The following ESYT2 variants were observed in gnomAD, a reference collection of about 807,000 sequenced individuals.
ESYT2 encodes extended synaptotagmin 2.
In ESYT2, 54 loss-of-function variants were observed where a neutral mutation model predicts 107.2. The ratio of observed to expected loss-of-function variants is 0.50; its 90% CI spans 0.40 to 0.63. ESYT2 has a LOEUF of 0.63. ESYT2 is among the 30% of genes least tolerant of loss of function. The pLI, the probability that ESYT2 is intolerant of heterozygous loss-of-function variation, is 0.00. For synonymous variants in ESYT2, 491 were observed against 434.1 expected (o/e 1.13, Z -1.63); for missense variants, 1,020 against 1,094.5 (o/e 0.93, Z 0.96).
intron 10 of ESYT2, 67 bp downstream of exon 10, chr7:158,763,016 T>A (rs1838026938): frequency 9.0e-7 from 1 of 1,113,348 alleles, no homozygotes; most frequent in Admixed American, 2.0e-5. Context: ...TAAAACATAC[T>A]TTTGATTATT....
rs1176711281 is a variant in ESYT2 at position 158,748,530 on chromosome 7, A to G, written c.1558-250T>C. Among the ~76,000 whole-genome samples the G allele has an allele frequency of 5.3e-5, 8 of 152,140 alleles. No homozygotes were observed. The South Asian group carries it at 6.2e-4, about 12-fold the overall frequency. Reference sequence around the variant, plus strand: ...CTTTAGAGTTTGTCATGAGGCCCCAACCTGTGCGCCCACAGATAAAGGCTT... The same window carrying G: ...CTTTAGAGTTTGTCATGAGGCCCCAGCCTGTGCGCCCACAGATAAAGGCTT... On this transcript the variant is annotated intron_variant, in intron 15 of 22. Coordinates refer to ENST00000275418, the MANE Select transcript of ESYT2 (RefSeq NM_001367773.1).
At chr7:158,786,229 G>T (rs1839111646) in intron 6 of ESYT2, among the ~76,000 whole-genome samples, 1 of 152,088 alleles carries the variant, frequency 6.6e-6, no homozygotes, top group African/African-American at 2.4e-5. Flanking sequence ...TTTTGAAGAA[G>T]ATTTAAAGAT....
rs1563047143 is a variant in ESYT2, at chr7:158,829,072, CA to C, written c.330+16del. On this transcript the variant is annotated intron_variant, in intron 1 of 22. Transcript: ENST00000275418. ...ACTGGTGGTCAGGGGTCGGGACGGG[CA>C]GGGGTCTGCACTCACCCAGGCGGGC... 6.3e-7 allele frequency: 1 copy of C among 1,577,644 alleles called. No individual in the cohort carries two copies. The highest frequency in any genetic ancestry group is 8.5e-7 in the Non-Finnish European group (1 of 1,171,708).
At chr7:158,781,361 C>T (rs1447777563) in intron 6 of ESYT2, among the ~76,000 whole-genome samples, 3 of 149,560 alleles carry the variant, frequency 2.0e-5, no homozygotes, top group African/African-American at 4.9e-5. Flanking sequence ...TGTGTAAGAA[C>T]GAGAACAAGT....
At chr7:158,736,603 TTTCA>T (rs1271687784) in intron 20 of ESYT2, among the ~76,000 whole-genome samples, 1 of 137,562 alleles carries the variant, frequency 7.3e-6, no homozygotes, top group Admixed American at 6.9e-5. Flanking sequence ...ATACCATTCT[TTTCA>T]TTATGTTTTT....
intron 8 of ESYT2, among the ~76,000 whole-genome samples, chr7:158,766,076 G>A (rs1404251284): frequency 2.0e-5 from 3 of 151,622 alleles, no homozygotes; most frequent in Non-Finnish European, 2.9e-5. Context: ...GGCTGAGGTG[G>A]AAGAATGGTG....
intron 6 of ESYT2, among the ~76,000 whole-genome samples, chr7:158,784,760 G>T (rs1323795023): frequency 2.0e-5 from 3 of 152,136 alleles, no homozygotes. Flanking sequence ...TTGGCTAATA[G>T]GATTCAATTT....
intron 13 of ESYT2, among the ~76,000 whole-genome samples, chr7:158,758,454 G>A (rs555572594): frequency 6.6e-6 from 1 of 152,320 alleles, no homozygotes; most frequent in Admixed American, 6.5e-5. Flanking sequence ...TGTGTGTCAA[G>A]AAGTGAGTTA....
At chr7:158,780,338 G>A (rs150810192) in intron 6 of ESYT2, among the ~76,000 whole-genome samples, 84 of 152,240 alleles carry the variant, frequency 5.5e-4, no homozygotes, top group Middle Eastern at 6.8e-3. Flanking sequence ...GATCTTTCTC[G>A]CCACTATCAA....
At chr7:158,785,144 C>T (rs980574876) in intron 6 of ESYT2, among the ~76,000 whole-genome samples, 1 of 152,036 alleles carries the variant, frequency 6.6e-6, no homozygotes, top group Non-Finnish European at 1.5e-5. Flanking sequence ...CTCTAGTGGC[C>T]GGGCACGGTG....
chr7:158,802,991 A>AT (rs766117453), intron 1 of ESYT2, among the ~76,000 whole-genome samples: 9 of 152,380 alleles, frequency 5.9e-5, no homozygotes, highest in Non-Finnish European at 1.2e-4. Flanking sequence ...AAAGAAAAAA[A>AT]CAAAACACAC....
chr7:158,823,876 A>G lies in ESYT2; in HGVS notation c.330+5213T>C. On this transcript the variant is annotated intron_variant, in intron 1 of 22. Coordinates refer to ENST00000275418, the MANE Select transcript of ESYT2 (RefSeq NM_001367773.1). ...TTTACATTTATGAATACGTACTTAT[A>G]AAATATATTATGTTTTAAGTGTATA... 1.3e-5 allele frequency among the ~76,000 whole-genome samples: 2 copies of G among 152,302 alleles called. 1 individual carries two copies. The highest frequency in any genetic ancestry group is 1.3e-4 in the Admixed American group (2 of 15,290).
intron 1 of ESYT2, among the ~76,000 whole-genome samples, chr7:158,809,474 CAAAA>C (rs67422901): frequency 1.0e-4 from 5 of 49,744 alleles, no homozygotes; most frequent in African/African-American, 1.8e-4. Context: ...GAATCCATCT[CAAAA>C]AAAAAAAAAA....
At chr7:158,821,371 AG>A (rs1840280709) in intron 1 of ESYT2, among the ~76,000 whole-genome samples, 1 of 152,238 alleles carries the variant, frequency 6.6e-6, no homozygotes, top group African/African-American at 2.4e-5. Flanking sequence ...CGGCTATTAC[AG>A]TAGTACAGGG....
chr7:158,782,139 G>C (rs1382488817), intron 6 of ESYT2, among the ~76,000 whole-genome samples: 1 of 1,016 alleles, frequency 9.8e-4, no homozygotes, highest in Non-Finnish European at 2.8e-3. Flanking sequence ...ACGAGAACAA[G>C]TGAGTGAACA....
rs367647555 is a variant in ESYT2, at chr7:158,821,981, GC to G, written c.330+7107del. On this transcript the variant is annotated intron_variant, in intron 1 of 22. Transcript: ENST00000275418. ...TCTTCTGAGCCACCGTGACACTGGA[GC>G]CATCACCACAGCCCGCCTCCCAGGT... Among the ~76,000 whole-genome samples the G allele has an allele frequency of 3.1e-4, 47 of 152,184 alleles. No homozygotes were observed. In the East Asian group the frequency reaches 7.1e-3, roughly 23 times the overall value.
rs1192134275 is a variant in ESYT2 at position 158,829,497 on chromosome 7, C to G, written c.-79G>C. On this transcript the variant is annotated 5_prime_UTR_variant, in exon 1 of 23. Coordinates refer to ENST00000275418, the MANE Select transcript of ESYT2 (RefSeq NM_001367773.1). The stretch of plus-strand genomic sequence containing the variant: ...TGATCCCGGGCGGCTCAGCCCCGCG[C>G]CAGCGCCCCTCTGAGGGGACGCGGC... 8.1e-7 allele frequency: 1 copy of G among 1,239,990 alleles called. No individual in the cohort carries two copies. Among genetic ancestry groups the G allele is most frequent in the African/African-American group, 1.6e-5 (1 of 63,524 alleles). The allele number at this position is 1,239,990 out of a possible 1,614,324, so 76.8% of individuals were successfully genotyped here.
rs997055691 is a variant in ESYT2, at chr7:158,798,088, AAAG to A, written c.373-15_373-13del. The A allele has an allele frequency of 3.7e-6, 6 of 1,613,842 alleles. No individual in the cohort carries two copies. Among genetic ancestry groups the A allele is most frequent in the Non-Finnish European group, 5.1e-6 (6 of 1,179,980 alleles). The stretch of plus-strand genomic sequence containing the variant: ...ATGTGTTTTACAGTCTGGAAAGGAA[AAAG>A]AACTCAGTTTAAACAAAATGCTATA... On this transcript the variant is annotated splice_polypyrimidine_tract_variant and intron_variant, in intron 2 of 22. Coordinates refer to ENST00000275418, the MANE Select transcript of ESYT2 (RefSeq NM_001367773.1).
intron 6 of ESYT2, among the ~76,000 whole-genome samples, chr7:158,783,465 T>C (rs1838998007): frequency 6.6e-6 from 1 of 152,222 alleles, no homozygotes; most frequent in South Asian, 2.1e-4. Context: ...TCCAGTTTTT[T>C]ATTTAGCAGA....
Sources: allele counts gnomAD v4.1 joint callset (sites outside exome capture counted in the v4.1 genomes callset), GRCh38; gene constraint gnomAD v4.1.1; transcripts MANE v1.5; gene names NCBI Gene and HGNC (gene_info 2026-07-23, HGNC 2026-07-21).